The following RSRC1 variants were observed in gnomAD, a reference collection of about 807,000 sequenced individuals.
RSRC1 encodes serine/Arginine-related protein 53.
In RSRC1, 39 loss-of-function variants were observed where a neutral mutation model predicts 49.1. That is an observed-to-expected ratio of 0.79 (90% CI 0.61 to 1.04). The LOEUF is 1.04. RSRC1 is among the 50% of genes least tolerant of loss of function. The pLI, the probability that RSRC1 is intolerant of heterozygous loss-of-function variation, is 0.00. For missense variants in RSRC1, 388 were observed against 402.4 expected (o/e 0.96, Z 0.31); for synonymous variants, 143 against 130.8 (o/e 1.09, Z -0.63).
At chr3:158,284,406 C>G (rs1726380198) in intron 4 of RSRC1, among the ~76,000 whole-genome samples, 1 of 146,156 alleles carries the variant, frequency 6.8e-6, no homozygotes, top group African/African-American at 2.6e-5. Context: ...GGGTATATAC[C>G]CAGTAATGGG....
At chr3:158,541,232 C>T (rs1039296994) in intron 8 of RSRC1, among the ~76,000 whole-genome samples, 8 of 152,120 alleles carry the variant, frequency 5.3e-5, no homozygotes, top group African/African-American at 1.9e-4. Flanking sequence ...CCTTCTAAGT[C>T]TTCAGGGCTT....
intron 3 of RSRC1, chr3:158,136,997 C>G (rs1435124080): frequency 6.6e-6 from 1 of 152,118 alleles, no homozygotes; most frequent in East Asian, 1.9e-4. Flanking sequence ...TTTCATTTAC[C>G]TGAGGTAGTC....
intron 6 of RSRC1, among the ~76,000 whole-genome samples, chr3:158,434,857 G>T (rs555956527): frequency 1.3e-5 from 2 of 151,988 alleles, no homozygotes; most frequent in East Asian, 3.9e-4. Flanking sequence ...TCACATGGGG[G>T]TAAAGTTTTT....
chr3:158,294,105 T>A (rs1727096424), intron 4 of RSRC1, among the ~76,000 whole-genome samples: 1 of 152,132 alleles, frequency 6.6e-6, no homozygotes, highest in South Asian at 2.1e-4. Flanking sequence ...TTCAAATATT[T>A]CTTCTCTTCC....
chr3:158,379,192 CTTTTTTTTTTTT>C (rs768767131), intron 6 of RSRC1, among the ~76,000 whole-genome samples: 3 of 93,898 alleles, frequency 3.2e-5, no homozygotes, highest in Admixed American at 1.2e-4. Flanking sequence ...AGAAATACCA[CTTTTTTTTTTTT>C]TTTTTTTTTT....
chr3:158,231,568 A>G (rs749560149), intron 4 of RSRC1, among the ~76,000 whole-genome samples: 2 of 152,182 alleles, frequency 1.3e-5, no homozygotes, highest in Non-Finnish European at 2.9e-5. Context: ...GCTTGTGGCC[A>G]TGATGCTGCT....
intron 7 of RSRC1, among the ~76,000 whole-genome samples, chr3:158,470,321 A>AACACACACACACACAC (rs375305594): frequency 1.5e-5 from 2 of 136,896 alleles, no homozygotes; most frequent in Non-Finnish European, 3.1e-5. Context: ...TGCTCTTAGA[A>AACACACACACACACAC]ACACACACAC....
chr3:158,183,950 A>C (rs950688308), intron 3 of RSRC1, among the ~76,000 whole-genome samples: 2 of 152,138 alleles, frequency 1.3e-5, no homozygotes, highest in Admixed American at 1.3e-4. Flanking sequence ...TTGTTGATAA[A>C]AATCCATACA....
At chr3:158,491,175 C>G (rs959974588) in intron 7 of RSRC1, among the ~76,000 whole-genome samples, 1 of 152,088 alleles carries the variant, frequency 6.6e-6, no homozygotes, top group African/African-American at 2.4e-5. Flanking sequence ...CTCTTGTCTA[C>G]TAGGAAATAG....
At chr3:158,348,050 T>A (rs1730656696) in intron 5 of RSRC1, among the ~76,000 whole-genome samples, 1 of 152,218 alleles carries the variant, frequency 6.6e-6, no homozygotes, top group Admixed American at 6.5e-5. Context: ...TTTTCTTTGT[T>A]ACCCTATCTT....
At chr3:158,145,982 A>G (rs929656540) in intron 3 of RSRC1, among the ~76,000 whole-genome samples, 2 of 152,178 alleles carry the variant, frequency 1.3e-5, no homozygotes, top group Non-Finnish European at 2.9e-5. Context: ...TTGATTTTGT[A>G]TCCTGAGACT....
At position 158,379,275 on chromosome 3, in the gene RSRC1, A is replaced by G. The variant is rs2108277964; in HGVS notation, c.583+24367A>G. Among the ~76,000 whole-genome samples, 3 of 134,468 alleles carry G rather than the reference A, an allele frequency of 2.2e-5. No homozygotes were observed. The East Asian group carries it at 6.4e-4, about 29-fold the overall frequency. The allele number at this position is 134,468 out of a possible 152,430, so 88.2% of individuals were successfully genotyped here. A position where few individuals can be genotyped will look rare whatever the true frequency, so the allele number is the denominator to read the frequency against. On this transcript the variant is annotated intron_variant, in intron 6 of 9. Coordinates refer to ENST00000611884, the MANE Select transcript of RSRC1 (RefSeq NM_001271838.2). ...GAGTGCAGTGGCGCGATCTCAGCTC[A>G]CTGCAAGCTCCGCCTCCCGGGTTCA...
intron 6 of RSRC1, among the ~76,000 whole-genome samples, chr3:158,394,756 A>T (rs188769601): frequency 6.6e-6 from 1 of 152,294 alleles, no homozygotes; most frequent in Admixed American, 6.5e-5. Flanking sequence ...TCAAATGGCC[A>T]TACTGCACAA....
intron 5 of RSRC1, 121 bp downstream of exon 5, chr3:158,298,196 A>G (rs955684619): frequency 5.4e-6 from 4 of 739,838 alleles, no homozygotes; most frequent in Non-Finnish European, 9.2e-6. Context: ...CCAAAGGGTC[A>G]GCTTACTGTT....
intron 3 of RSRC1, among the ~76,000 whole-genome samples, chr3:158,175,711 C>T (rs1052586998): frequency 6.6e-6 from 1 of 152,058 alleles, no homozygotes; most frequent in Non-Finnish European, 1.5e-5. Context: ...GGAAATTCTT[C>T]TATCCAGTTC....
intron 7 of RSRC1, among the ~76,000 whole-genome samples, chr3:158,517,093 G>T (rs1480859474): frequency 6.6e-6 from 1 of 152,186 alleles, no homozygotes; most frequent in Non-Finnish European, 1.5e-5. Context: ...GACCAGAGCT[G>T]TTCCTATTCG....
chr3:158,210,138 T>C (rs964605117), intron 4 of RSRC1, among the ~76,000 whole-genome samples: 2 of 152,124 alleles, frequency 1.3e-5, no homozygotes, highest in Non-Finnish European at 2.9e-5. Flanking sequence ...TAATTTATGC[T>C]AATTTACCCC....
chr3:158,391,763 G>A (rs532996360), intron 6 of RSRC1, among the ~76,000 whole-genome samples: 12 of 152,162 alleles, frequency 7.9e-5, no homozygotes, highest in Admixed American at 2.6e-4. Flanking sequence ...AGAGTGGTAC[G>A]TTGACTCAGT....
At chr3:158,287,080 C>A (rs1346144825) in intron 4 of RSRC1, among the ~76,000 whole-genome samples, 1 of 152,172 alleles carries the variant, frequency 6.6e-6, no homozygotes, top group African/African-American at 2.4e-5. Context: ...CCTGTCTCAG[C>A]CTCCCAAAGT....
Sources: allele counts gnomAD v4.1 joint callset (sites outside exome capture counted in the v4.1 genomes callset), GRCh38; gene constraint gnomAD v4.1.1; transcripts MANE v1.5; gene names NCBI Gene and HGNC (gene_info 2026-07-23, HGNC 2026-07-21).